Variants in PREX2 observed in about 807,000 individuals in gnomAD.
PREX2 encodes phosphatidylinositol-3,4,5-trisphosphate dependent Rac exchange factor 2.
PREX2 carries 107 observed loss-of-function variants against 203.2 expected under a neutral mutation model. That is an observed-to-expected ratio of 0.53 (90% CI 0.45 to 0.62). The LOEUF (loss-of-function observed/expected upper bound fraction) is 0.62, where lower values mean the gene tolerates loss of function less well. Ranked by LOEUF, PREX2 falls within the 20% of genes least tolerant of loss-of-function variation. PREX2 has a pLI of 0.00. For missense variants in PREX2, 1,777 were observed against 1,955.9 expected (o/e 0.91, Z 1.72); for synonymous variants, 672 against 663.6 (o/e 1.01, Z -0.19).
chr8:68,153,489 A>C (rs1811483791), intron 34 of PREX2, among the ~76,000 whole-genome samples: 1 of 152,228 alleles, frequency 6.6e-6, no homozygotes, highest in Admixed American at 6.5e-5. Context: ...AAGTAGTAGA[A>C]GTAAATAAAC....
chr8:68,125,302 C>A (rs1810864950), intron 30 of PREX2, among the ~76,000 whole-genome samples: 1 of 152,058 alleles, frequency 6.6e-6, no homozygotes, highest in African/African-American at 2.4e-5. Context: ...TTAATTTAAC[C>A]TGGTGCTACC....
chr8:68,069,772 A>C, intron 12 of PREX2, 63 bp from the exon 13 acceptor site: 1 of 756,218 alleles, frequency 1.3e-6, no homozygotes, highest in Non-Finnish European at 2.2e-6. Context: ...GTTACTTCAA[A>C]ATTTCATTGA....
chr8:68,030,417 T>C (rs1363522093), intron 5 of PREX2, 80 bp from the exon 6 acceptor site: 2 of 1,372,874 alleles, frequency 1.5e-6, no homozygotes, highest in Non-Finnish European at 2.0e-6. Flanking sequence ...CTTTGCAGTT[T>C]TCATTTCCTG....
intron 32 of PREX2, among the ~76,000 whole-genome samples, chr8:68,134,967 C>T (rs1165654875): frequency 1.3e-5 from 2 of 152,102 alleles, no homozygotes; most frequent in Non-Finnish European, 2.9e-5. Context: ...CAAATGTGTT[C>T]ACTTTAATAT....
At position 68,093,678 on chromosome 8, in the gene PREX2, C is replaced by A. The variant is rs923834676; in HGVS notation, c.2324C>A (p.Pro775His). 21 of 1,610,048 alleles carry A rather than the reference C, an allele frequency of 1.3e-5. No individual in the cohort carries two copies. The highest frequency in any genetic ancestry group is 2.7e-5 in the African/African-American group (2 of 74,806). ...QEDLQKSHSKPPGDEAGDAFD... is the reference protein window; with the variant it reads ...QEDLQKSHSKHPGDEAGDAFD... The stretch of plus-strand genomic sequence containing the variant: ...GACCTTCAAAAATCTCACTCCAAGC[C>A]CCCTGGAGATGAAGCAGGGGATGCT... The change falls in exon 21 of 40, where the codon CCC becomes CAC. Residue 775 changes from proline to histidine, a missense_variant. Coordinates refer to ENST00000288368, the MANE Select transcript of PREX2 (RefSeq NM_024870.4).
chr8:68,070,294 T>A (rs2129611598), intron 13 of PREX2, among the ~76,000 whole-genome samples: 1 of 152,006 alleles, frequency 6.6e-6, no homozygotes, highest in East Asian at 1.9e-4. Flanking sequence ...TTTTATTTTA[T>A]AATTTTTCTT....
chr8:68,011,575 A>G (rs1807262428), intron 1 of PREX2, among the ~76,000 whole-genome samples: 1 of 152,154 alleles, frequency 6.6e-6, no homozygotes, highest in Admixed American at 6.5e-5. Flanking sequence ...ATTCAGGTAG[A>G]TAGGCCCTGT....
intron 23 of PREX2, chr8:68,103,559 T>A (rs1389809990): frequency 1.9e-6 from 1 of 518,790 alleles, no homozygotes; most frequent in African/African-American, 1.9e-5. Context: ...CTTTCTTTGA[T>A]CTTTCTCCTG....
At chr8:68,180,977 T>C (rs1806560448) in intron 35 of PREX2, among the ~76,000 whole-genome samples, 1 of 152,168 alleles carries the variant, frequency 6.6e-6, no homozygotes, top group African/African-American at 2.4e-5. Flanking sequence ...AAGCTTACAT[T>C]TCTTTGCAGG....
rs561848506 is a variant in PREX2, at chr8:68,172,845, C to A, written c.4346+15409C>A. Among the ~76,000 whole-genome samples, 5 of 152,196 alleles carry A rather than the reference C, an allele frequency of 3.3e-5. No homozygotes were observed. The East Asian group carries it at 9.6e-4, about 29-fold the overall frequency. The stretch of plus-strand genomic sequence containing the variant: ...TTTCTTTTACCTTCTTTGCATCCAG[C>A]TCTTCCTCAACTCCTTTTAACCCAG... On this transcript the variant is annotated intron_variant, in intron 35 of 39. Coordinates refer to ENST00000288368, the MANE Select transcript of PREX2 (RefSeq NM_024870.4).
rs534694998 is a variant in PREX2, at chr8:68,127,432, A to G, written c.3766+13A>G. 2 of 1,598,310 alleles carry G rather than the reference A, an allele frequency of 1.3e-6. No homozygotes were observed. Among genetic ancestry groups the G allele is most frequent in the South Asian group, 1.1e-5 (1 of 90,194 alleles). ...CTTGAATATTCAGGTAACATTTTGC[A>G]TTTTATTTTTTTTTACTATTTAAGT... is the stretch of plus-strand genomic sequence containing the variant. On this transcript the variant is annotated intron_variant, in intron 31 of 39. Coordinates refer to ENST00000288368, the MANE Select transcript of PREX2 (RefSeq NM_024870.4).
At chr8:68,042,765 G>A (rs1233643333) in intron 7 of PREX2, among the ~76,000 whole-genome samples, 1 of 152,014 alleles carries the variant, frequency 6.6e-6, no homozygotes, top group Admixed American at 6.6e-5. Context: ...TTTCTGAAGA[G>A]ATCAAAATCT....
chr8:68,092,112 T>G (rs1384521601), intron 20 of PREX2, among the ~76,000 whole-genome samples: 1 of 152,182 alleles, frequency 6.6e-6, no homozygotes. Context: ...CACCTTTGCA[T>G]GGCCTCTCTT....
intron 22 of PREX2, among the ~76,000 whole-genome samples, chr8:68,098,516 C>T (rs1029047097): frequency 2.0e-5 from 3 of 151,922 alleles, no homozygotes; most frequent in Non-Finnish European, 2.9e-5. Flanking sequence ...AGTCTCTTCC[C>T]GTCTACATTA....
intron 7 of PREX2, among the ~76,000 whole-genome samples, chr8:68,038,554 G>T (rs575599448): frequency 6.6e-6 from 1 of 152,050 alleles, no homozygotes; most frequent in Admixed American, 6.6e-5. Context: ...GGAGAGGTGC[G>T]GTTTGTTCCT....
chr8:68,108,307 A>G lies in PREX2; in HGVS notation c.2914A>G (p.Lys972Glu), dbSNP rs774055325. 1 of 1,613,602 alleles carries G rather than the reference A, an allele frequency of 6.2e-7. No individual in the cohort carries two copies. Among genetic ancestry groups the G allele is most frequent in the South Asian group, 1.1e-5 (1 of 90,992 alleles). ...TAGCAGGAAGCATAATTCTCATGAT[A>G]AAGAAAACAAATCTTCGGAGCAAGG... ...LDSRKHNSHD[K>E]ENKSSEQGKL... is the part of the protein sequence containing the mutation. Residue 972 changes from lysine (K) to glutamate (E), a missense_variant, in exon 24 of 40, where the codon AAA becomes GAA. Transcript: ENST00000288368.
At chr8:68,201,900 A>ATTTTTTTTT (rs869153263) in intron 37 of PREX2, among the ~76,000 whole-genome samples, 4 of 98,260 alleles carry the variant, frequency 4.1e-5, no homozygotes, top group African/African-American at 1.3e-4. Flanking sequence ...GGTAACACCT[A>ATTTTTTTTT]TTTTTTTTTT....
chr8:68,097,335 T>TC, intron 22 of PREX2, 134 bp downstream of exon 22: 1 of 728,242 alleles, frequency 1.4e-6, no homozygotes, highest in South Asian at 2.1e-5. Flanking sequence ...TCTTTTTTTT[T>TC]TTTTCTTGAG....
rs191155244 is a variant in PREX2, at chr8:68,028,604, A to G, written c.543+1281A>G. On this transcript the variant is annotated intron_variant, in intron 5 of 39. Transcript: ENST00000288368. The stretch of plus-strand genomic sequence containing the variant: ...TAGCATTGCTTGCTTAAGCCATAAA[A>G]AGCCACAGAGAGGCTGACACAGGAG... 8.8e-3 allele frequency among the ~76,000 whole-genome samples: 1,333 copies of G among 152,102 alleles called. 17 individuals are homozygous for G. Among genetic ancestry groups the G allele is most frequent in the Middle Eastern group, 0.014 (4 of 294 alleles).
Sources: gnomAD v4.1 joint callset for allele counts (sites outside exome capture counted in the v4.1 genomes callset) on GRCh38, gnomAD v4.1.1 for gene constraint, MANE v1.5 for transcripts, NCBI Gene and HGNC (gene_info 2026-07-23, HGNC 2026-07-21) for gene names.